The following MARCHF4 variants were observed in gnomAD, a reference collection of about 807,000 sequenced individuals.
MARCHF4 encodes the protein E3 ubiquitin-protein ligase MARCHF4.
MARCHF4 carries 14 observed loss-of-function variants against 43.9 expected under a neutral mutation model. That is an observed-to-expected ratio of 0.32 (90% confidence interval 0.21 to 0.50). The LOEUF is 0.50. MARCHF4 is among the 20% of genes least tolerant of loss of function. The probability of loss-of-function intolerance (pLI) is 0.98; values close to 1 mark genes in which losing one functional copy is unlikely to be tolerated. For synonymous variants in MARCHF4, 226 were observed against 213.3 expected (o/e 1.06, Z -0.52); for missense variants, 468 against 536.7 (o/e 0.87, Z 1.27).
intron 1 of MARCHF4, among the ~76,000 whole-genome samples, chr2:216,332,017 A>C (rs1692087295): frequency 6.6e-6 from 1 of 152,260 alleles, no homozygotes; most frequent in Non-Finnish European, 1.5e-5. Context: ...AAGAATTGGA[A>C]AGAAAAGAAT....
At chr2:216,291,393 G>A (rs1430868808) in intron 1 of MARCHF4, among the ~76,000 whole-genome samples, 1 of 152,194 alleles carries the variant, frequency 6.6e-6, no homozygotes, top group African/African-American at 2.4e-5. Context: ...GATTGGCGGG[G>A]GAGGTCCTGG....
intron 1 of MARCHF4, among the ~76,000 whole-genome samples, chr2:216,351,873 C>A (rs1171563333): frequency 3.3e-5 from 5 of 152,154 alleles, no homozygotes; most frequent in Non-Finnish European, 5.9e-5. Context: ...CTGATGGCAC[C>A]TGGGGATTAA....
At chr2:216,308,823 C>T (rs1329928781) in intron 1 of MARCHF4, among the ~76,000 whole-genome samples, 1 of 152,218 alleles carries the variant, frequency 6.6e-6, no homozygotes, top group African/African-American at 2.4e-5. Context: ...CCTCCAGGGT[C>T]TGATCCTGGT....
At chr2:216,277,495 T>C (rs1454449046) in intron 3 of MARCHF4, among the ~76,000 whole-genome samples, 177 bp downstream of exon 3, 1 of 152,054 alleles carries the variant, frequency 6.6e-6, no homozygotes, top group East Asian at 1.9e-4. Flanking sequence ...TTTCCCTGCC[T>C]CCTCCCCCTT....
At chr2:216,337,293 A>G (rs969128807) in intron 1 of MARCHF4, among the ~76,000 whole-genome samples, 3 of 152,266 alleles carry the variant, frequency 2.0e-5, no homozygotes, top group African/African-American at 7.2e-5. Context: ...TGTTGGTTAA[A>G]TGGATCAGCG....
intron 1 of MARCHF4, among the ~76,000 whole-genome samples, chr2:216,290,067 C>T (rs1237431936): frequency 6.6e-6 from 1 of 152,078 alleles, no homozygotes; most frequent in Non-Finnish European, 1.5e-5. Flanking sequence ...ATGGAACTGA[C>T]TAAAATTCTC....
At chr2:216,261,432 C>T (rs1278126598) in intron 3 of MARCHF4, among the ~76,000 whole-genome samples, 3 of 152,206 alleles carry the variant, frequency 2.0e-5, no homozygotes, top group African/African-American at 7.2e-5. Context: ...CTTGTGGCTA[C>T]ATTTAGGGCC....
chr2:216,285,424 A>G (rs921759077), intron 1 of MARCHF4, among the ~76,000 whole-genome samples: 2 of 152,186 alleles, frequency 1.3e-5, no homozygotes, highest in Admixed American at 6.5e-5. Flanking sequence ...ACCCTCTGTT[A>G]TAGCATGCCC....
At chr2:216,299,991 T>C (rs1442418663) in intron 1 of MARCHF4, among the ~76,000 whole-genome samples, 1 of 152,226 alleles carries the variant, frequency 6.6e-6, no homozygotes, top group African/African-American at 2.4e-5. Context: ...AGTTTGCTAA[T>C]GTCCCGCTGA....
chr2:216,283,863 G>A lies in MARCHF4; in HGVS notation c.517-134C>T, dbSNP rs943523126. ...CCACAGGCTTTGTTTGGGGGCACCA[G>A]ACTCCATGGAGGAGGCCTGGGCTCC... On this transcript the variant is annotated intron_variant, in intron 1 of 3. Coordinates refer to ENST00000273067, the MANE Select transcript of MARCHF4 (RefSeq NM_020814.3). 7 of 954,982 alleles carry A rather than the reference G, an allele frequency of 7.3e-6. No individual in the cohort carries two copies. In the Admixed American group the frequency reaches 8.4e-5, roughly 11 times the overall value. The allele number at this position is 954,982 out of a possible 1,614,324, so 59.2% of individuals were successfully genotyped here. A position where few individuals can be genotyped will look rare whatever the true frequency, so the allele number is the denominator to read the frequency against.
At chr2:216,334,683 G>A (rs1017283486) in intron 1 of MARCHF4, among the ~76,000 whole-genome samples, 4 of 152,204 alleles carry the variant, frequency 2.6e-5, no homozygotes, top group East Asian at 1.9e-4. Flanking sequence ...TTTCAGGCAT[G>A]AGCCACCAGT....
intron 1 of MARCHF4, among the ~76,000 whole-genome samples, chr2:216,320,607 T>TTTTCTTTCTTTCTTTCTTTCTTTC (rs552086212): frequency 1.8e-5 from 2 of 112,098 alleles, no homozygotes; most frequent in East Asian, 2.7e-4. Context: ...TATAGCCTCT[T>TTTTCTTTCTTTCTTTCTTTCTTTC]TTTCTTTCTT....
At chr2:216,285,454 A>G (rs1433429097) in intron 1 of MARCHF4, among the ~76,000 whole-genome samples, 2 of 152,208 alleles carry the variant, frequency 1.3e-5, no homozygotes, top group African/African-American at 4.8e-5. Flanking sequence ...CCTCACAGGG[A>G]CAATATCTTA....
chr2:216,355,470 C>T (rs956842917), intron 1 of MARCHF4, among the ~76,000 whole-genome samples: 8 of 152,096 alleles, frequency 5.3e-5, no homozygotes, highest in African/African-American at 1.9e-4. Context: ...ATGTCAAAGA[C>T]ACACTTTTTT....
intron 3 of MARCHF4, among the ~76,000 whole-genome samples, chr2:216,275,851 GCAAGTTTCCAC>G (rs1691011099): frequency 6.6e-6 from 1 of 152,172 alleles, no homozygotes; most frequent in Admixed American, 6.5e-5. Flanking sequence ...GAGATGCATT[GCAAGTTTCCAC>G]CAAGCCCCCT....
chr2:216,293,755 A>G lies in MARCHF4; in HGVS notation c.517-10026T>C, dbSNP rs776609063. Among the ~76,000 whole-genome samples, 12 of 135,568 alleles carry G rather than the reference A, an allele frequency of 8.9e-5. 4 individuals are homozygous for G. Among genetic ancestry groups the G allele is most frequent in the Non-Finnish European group, 1.7e-4 (10 of 58,492 alleles). The allele number at this position is 135,568 out of a possible 152,430, so 88.9% of individuals were successfully genotyped here. A position where few individuals can be genotyped will look rare whatever the true frequency, so the allele number is the denominator to read the frequency against. On this transcript the variant is annotated intron_variant, in intron 1 of 3. Transcript: ENST00000273067. ...CTCTAACTGCCTCTAAATTTACTCAACCAGTACTAGAAAGAAGAACTTAGC... is the reference window on the plus strand; with the variant it reads ...CTCTAACTGCCTCTAAATTTACTCAGCCAGTACTAGAAAGAAGAACTTAGC...
At chr2:216,342,440 G>T (rs1460098072) in intron 1 of MARCHF4, among the ~76,000 whole-genome samples, 1 of 152,192 alleles carries the variant, frequency 6.6e-6, no homozygotes, top group Non-Finnish European at 1.5e-5. Flanking sequence ...GTGCAAAAAT[G>T]TTTCTGTGCT....
chr2:216,363,116 T>G (rs1027330210), intron 1 of MARCHF4, among the ~76,000 whole-genome samples: 1 of 152,078 alleles, frequency 6.6e-6, no homozygotes. Context: ...AGTCCCAGTA[T>G]CTCTCCTTTT....
chr2:216,272,151 G>T (rs1245429820), intron 3 of MARCHF4, among the ~76,000 whole-genome samples: 1 of 151,908 alleles, frequency 6.6e-6, no homozygotes, highest in Non-Finnish European at 1.5e-5. Flanking sequence ...ACTGTGTCTG[G>T]CCTGAATAAG....
Sources: gnomAD v4.1 joint callset for allele counts (sites outside exome capture counted in the v4.1 genomes callset) on GRCh38, gnomAD v4.1.1 for gene constraint, MANE v1.5 for transcripts, NCBI Gene and HGNC (gene_info 2026-07-23, HGNC 2026-07-21) for gene names.